Variants in IL34 observed in about 807,000 individuals in gnomAD.
IL34 encodes the protein interleukin-34.
In IL34, 17 loss-of-function variants were observed where a neutral mutation model predicts 25.3. The observed-to-expected ratio is 0.67, with a 90% CI of 0.46 to 1.01. The LOEUF (loss-of-function observed/expected upper bound fraction) is 1.01. IL34 is among the 50% of genes least tolerant of loss of function. The pLI, the probability that IL34 is intolerant of heterozygous loss-of-function variation, is 0.00. For synonymous variants in IL34, 174 were observed against 140.9 expected (o/e 1.23, Z -1.66); for missense variants, 368 against 312.9 (o/e 1.18, Z -1.33).
chr16:70,581,383 C>T (rs565565236), intron 1 of IL34, among the ~76,000 whole-genome samples: 1 of 151,330 alleles, frequency 6.6e-6, no homozygotes, highest in African/African-American at 2.4e-5. Context: ...CTTTTCTGGA[C>T]AACTCTGTGG....
At chr16:70,642,910 G>C (rs1207681829), upstream of IL34, among the ~76,000 whole-genome samples, 1 of 152,176 alleles carries the variant, frequency 6.6e-6, no homozygotes, top group Non-Finnish European at 1.5e-5. Context: ...GCTGCCAGGG[G>C]CTGGGAGGAA....
intron 1 of IL34, among the ~76,000 whole-genome samples, chr16:70,651,182 G>C (rs1036975123): frequency 2.0e-5 from 3 of 152,034 alleles, no homozygotes; most frequent in Non-Finnish European, 2.9e-5. Flanking sequence ...GCGTGGTGAT[G>C]GGGGGGAGAG....
At chr16:70,598,513 C>T (rs2050858599) in intron 1 of IL34, among the ~76,000 whole-genome samples, 1 of 152,034 alleles carries the variant, frequency 6.6e-6, no homozygotes, top group Non-Finnish European at 1.5e-5. Flanking sequence ...CCAAGGCTGG[C>T]GGATCACCTG....
intron 1 of IL34, among the ~76,000 whole-genome samples, chr16:70,634,107 T>G (rs866426000): frequency 3.7e-4 from 56 of 152,118 alleles, no homozygotes; most frequent in African/African-American, 1.2e-3. Flanking sequence ...CGCCTCGGCC[T>G]CCCAAAATGC....
chr16:70,598,956 C>G (rs879898670), intron 1 of IL34, among the ~76,000 whole-genome samples: 1 of 152,148 alleles, frequency 6.6e-6, no homozygotes, highest in African/African-American at 2.4e-5. Context: ...AGTAGAATCA[C>G]ATCAAGGTTG....
chr16:70,626,830 A>C (rs1036662816), intron 1 of IL34, among the ~76,000 whole-genome samples: 1 of 152,126 alleles, frequency 6.6e-6, no homozygotes, highest in Non-Finnish European at 1.5e-5. Flanking sequence ...TTTTCAGCTA[A>C]ATTGAGAAGC....
chr16:70,609,444 T>C, intron 1 of IL34, among the ~76,000 whole-genome samples: 1 of 152,112 alleles, frequency 6.6e-6, no homozygotes, highest in Non-Finnish European at 1.5e-5. Flanking sequence ...ACCAGTGCTT[T>C]TAATCTCTCA....
intron 1 of IL34, among the ~76,000 whole-genome samples, chr16:70,629,768 A>G (rs1425335695): frequency 6.6e-6 from 1 of 151,968 alleles, no homozygotes; most frequent in Non-Finnish European, 1.5e-5. Flanking sequence ...GGGGTACATG[A>G]GATATTTTGA....
rs577783463 is a variant in IL34 at position 70,654,706 on chromosome 16, C to T, written c.162+35C>T. 27 of 1,570,676 alleles carry T rather than the reference C, an allele frequency of 1.7e-5. No individual in the cohort carries two copies. In the East Asian group the frequency reaches 2.0e-4, roughly 12 times the overall value. Reference sequence around the variant, plus strand: ...TGGGCACCAGCTGTGTCCCTGTCCCCGCGTCCCGGGGTTCACCTGGCATAG... The same window carrying T: ...TGGGCACCAGCTGTGTCCCTGTCCCTGCGTCCCGGGGTTCACCTGGCATAG... On this transcript the variant is annotated intron_variant, in intron 2 of 5. Coordinates refer to ENST00000288098, the MANE Select transcript of IL34 (RefSeq NM_001393494.1).
chr16:70,602,343 A>T (rs923477209), intron 1 of IL34, among the ~76,000 whole-genome samples: 1 of 152,156 alleles, frequency 6.6e-6, no homozygotes, highest in Non-Finnish European at 1.5e-5. Flanking sequence ...AAAAGTTGCC[A>T]AACTTTCTGA....
chr16:70,654,178 A>G (rs779307324), intron 1 of IL34: 9 of 181,994 alleles, frequency 4.9e-5, no homozygotes, highest in Non-Finnish European at 1.0e-4. Context: ...ACGAGCTTTG[A>G]AAACATATCA....
chr16:70,647,807 A>G (rs896138762), intron 1 of IL34, among the ~76,000 whole-genome samples: 11 of 152,164 alleles, frequency 7.2e-5, no homozygotes, highest in Non-Finnish European at 1.5e-4. Context: ...GAAATATACA[A>G]CAAAGGGTTG....
At chr16:70,584,369 C>T (rs1027836374) in intron 1 of IL34, among the ~76,000 whole-genome samples, 7 of 152,204 alleles carry the variant, frequency 4.6e-5, no homozygotes, top group Admixed American at 2.0e-4. Context: ...CCAGGCTTTC[C>T]CCTTGGCATC....
At chr16:70,654,796 C>G (rs987804945) in intron 2 of IL34, 125 bp downstream of exon 2, 2 of 1,243,118 alleles carry the variant, frequency 1.6e-6, no homozygotes, top group Non-Finnish European at 2.2e-6. Context: ...TGGCCTGTTT[C>G]TCTGCCTTTC....
chr16:70,582,360 G>A (rs1023937463), intron 1 of IL34, among the ~76,000 whole-genome samples: 8 of 152,228 alleles, frequency 5.3e-5, no homozygotes, highest in African/African-American at 1.9e-4. Flanking sequence ...GAGAGTTTCT[G>A]GAACATCTGT....
At chr16:70,616,974 G>A (rs1451716611) in intron 1 of IL34, among the ~76,000 whole-genome samples, 6 of 152,138 alleles carry the variant, frequency 3.9e-5, no homozygotes, top group East Asian at 3.9e-4. Context: ...CTGGGGCGGC[G>A]AAAATTTTTG....
chr16:70,622,964 T>C (rs1004075330), intron 1 of IL34, among the ~76,000 whole-genome samples: 1 of 152,036 alleles, frequency 6.6e-6, no homozygotes, highest in East Asian at 1.9e-4. Flanking sequence ...CTGGCTCTTG[T>C]ATAAGAATTC....
At chr16:70,657,765 A>C (rs1459458074) in intron 4 of IL34, among the ~76,000 whole-genome samples, 2 of 152,188 alleles carry the variant, frequency 1.3e-5, no homozygotes, top group East Asian at 3.8e-4. Context: ...ACAAGAACGA[A>C]AAACTCCATC....
At chr16:70,583,608 G>A (rs886754719) in intron 1 of IL34, among the ~76,000 whole-genome samples, 5 of 151,858 alleles carry the variant, frequency 3.3e-5, no homozygotes, top group African/African-American at 1.2e-4. Flanking sequence ...CCTGGGAGTT[G>A]GGGCCCTGGG....
Sources: gnomAD v4.1 joint callset for allele counts (sites outside exome capture counted in the v4.1 genomes callset) on GRCh38, gnomAD v4.1.1 for gene constraint, MANE v1.5 for transcripts, NCBI Gene and HGNC (gene_info 2026-07-23, HGNC 2026-07-21) for gene names.